AKAP19: variants seen among roughly 807,000 people sequenced by gnomAD.
AKAP19 encodes the protein small A-kinase anchoring protein.
At chr2:189,943,902 A>G in the AKAP19 span, among the ~76,000 whole-genome samples, 1 of 152,192 alleles carries the variant, frequency 6.6e-6, no homozygotes, top group Non-Finnish European at 1.5e-5. Flanking sequence ...TAGAATGGGA[A>G]TGTTTACTCA....
At chr2:190,162,372 T>TA in the AKAP19 span, among the ~76,000 whole-genome samples, 11 of 152,140 alleles carry the variant, frequency 7.2e-5, no homozygotes, top group Non-Finnish European at 2.9e-5. Flanking sequence ...AAAACAGAGT[T>TA]AAAATCTTTT....
the AKAP19 span, among the ~76,000 whole-genome samples, chr2:190,110,425 A>G: frequency 1.3e-5 from 2 of 152,202 alleles, no homozygotes; most frequent in Non-Finnish European, 2.9e-5. Context: ...TTTGCATTCT[A>G]TTGTAATACT....
At chr2:189,989,563 A>G in the AKAP19 span, among the ~76,000 whole-genome samples, 4 of 151,284 alleles carry the variant, frequency 2.6e-5, no homozygotes, top group Non-Finnish European at 5.9e-5. Flanking sequence ...GTCAGAACAT[A>G]CAAAAAAAAT....
chr2:189,970,427 CT>C, the AKAP19 span, among the ~76,000 whole-genome samples: 1 of 151,976 alleles, frequency 6.6e-6, no homozygotes, highest in East Asian at 1.9e-4. Flanking sequence ...AGTTATTTAT[CT>C]CTTAGCAAAT....
At chr2:190,019,543 A>G in the AKAP19 span, among the ~76,000 whole-genome samples, 13 of 152,062 alleles carry the variant, frequency 8.5e-5, no homozygotes, top group African/African-American at 2.9e-4. Context: ...CACTGCTGGC[A>G]GGTACACAGA....
At chr2:189,983,922 C>A in the AKAP19 span, among the ~76,000 whole-genome samples, 2 of 152,234 alleles carry the variant, frequency 1.3e-5, no homozygotes, top group South Asian at 2.1e-4. Context: ...ATCCGTGATG[C>A]CCCACAAGCC....
At chr2:189,900,032 A>C in the AKAP19 span, among the ~76,000 whole-genome samples, 1 of 152,290 alleles carries the variant, frequency 6.6e-6, no homozygotes, top group South Asian at 2.1e-4. Flanking sequence ...TGGTTTGTCA[A>C]TAAACATGAA....
At chr2:190,092,076 A>G in the AKAP19 span, among the ~76,000 whole-genome samples, 1 of 152,204 alleles carries the variant, frequency 6.6e-6, no homozygotes, top group African/African-American at 2.4e-5. Context: ...ATGGCAATTT[A>G]TTTCATTAAT....
chr2:190,201,640 A>G, the AKAP19 span: 1 of 167,084 alleles, frequency 6.0e-6, no homozygotes, highest in African/African-American at 2.4e-5. Context: ...AAGTTACATA[A>G]GCAAGGAAAA....
chr2:190,050,795 G>C, the AKAP19 span, among the ~76,000 whole-genome samples: 2 of 152,188 alleles, frequency 1.3e-5, no homozygotes, highest in Admixed American at 6.5e-5. Flanking sequence ...GTTGGGAAGA[G>C]AGAGGCTTCA....
the AKAP19 span, among the ~76,000 whole-genome samples, chr2:190,119,504 G>C: frequency 2.6e-5 from 4 of 152,170 alleles, no homozygotes; most frequent in Admixed American, 6.5e-5. Flanking sequence ...ACGTGGGGGT[G>C]GCCACGCTTC....
At chr2:189,929,736 T>TA in the AKAP19 span, among the ~76,000 whole-genome samples, 1 of 152,152 alleles carries the variant, frequency 6.6e-6, no homozygotes, top group Non-Finnish European at 1.5e-5. Context: ...TAAAAGGACC[T>TA]AAGGCAATGA....
At chr2:189,900,202 G>A in the AKAP19 span, among the ~76,000 whole-genome samples, 1 of 151,966 alleles carries the variant, frequency 6.6e-6, no homozygotes, top group Non-Finnish European at 1.5e-5. Flanking sequence ...ATAAACAATT[G>A]TTTATAATGA....
At chr2:190,141,337 A>G in the AKAP19 span, among the ~76,000 whole-genome samples, 1 of 151,876 alleles carries the variant, frequency 6.6e-6, no homozygotes, top group African/African-American at 2.4e-5. Flanking sequence ...GCAGCACTCC[A>G]CTCTACTGGT....
chr2:190,052,589 A>C, the AKAP19 span, among the ~76,000 whole-genome samples: 1 of 152,170 alleles, frequency 6.6e-6, no homozygotes, highest in Non-Finnish European at 1.5e-5. Flanking sequence ...GTGGGAGCGG[A>C]CCTGAGAAAA....
At chr2:190,133,080 C>CA in the AKAP19 span, among the ~76,000 whole-genome samples, 878 of 150,844 alleles carry the variant, frequency 5.8e-3, 4 homozygotes, top group South Asian at 0.012. Context: ...ACTAAAAATA[C>CA]AAAAAAAATT....
the AKAP19 span, among the ~76,000 whole-genome samples, chr2:190,195,941 C>CTTTTTTTTTT: frequency 1.3e-4 from 11 of 86,168 alleles, no homozygotes; most frequent in East Asian, 3.6e-4. Context: ...CTGTGTCCAG[C>CTTTTTTTTTT]TTTTTTTTTT....
the AKAP19 span, among the ~76,000 whole-genome samples, chr2:190,111,671 A>G: frequency 2.6e-5 from 4 of 152,102 alleles, no homozygotes; most frequent in Non-Finnish European, 5.9e-5. Context: ...ACAGACAGAC[A>G]GAGAGACAGA....
chr2:190,062,271 T>G, the AKAP19 span: 1 of 1,613,196 alleles, frequency 6.2e-7, no homozygotes, highest in South Asian at 1.1e-5. Context: ...GTGATAATCG[T>G]CATCTTCCAA....
Sources: gnomAD v4.1 joint callset for allele counts (sites outside exome capture counted in the v4.1 genomes callset) on GRCh38, gnomAD v4.1.1 for gene constraint, MANE v1.5 for transcripts, NCBI Gene and HGNC (gene_info 2026-07-23, HGNC 2026-07-21) for gene names.